Variants in TWIST2 observed in about 807,000 individuals in gnomAD.
The protein encoded by TWIST2 is twist family bHLH transcription factor 2, also known as twist-related protein 2.
TWIST2 carries 1 observed loss-of-function variant against 11.6 expected under a neutral mutation model. The ratio of observed to expected loss-of-function variants is 0.09; its 90% confidence interval spans 0.03 to 0.41. The LOEUF (loss-of-function observed/expected upper bound fraction) is 0.41, where lower values mean the gene tolerates loss of function less well. Ranked by LOEUF, TWIST2 falls within the 10% of genes least tolerant of loss-of-function variation. The probability of loss-of-function intolerance (pLI) is 0.98; values close to 1 mark genes in which losing one functional copy is unlikely to be tolerated. For synonymous variants in TWIST2, 87 were observed against 96.6 expected (o/e 0.90, Z 0.58); for missense variants, 168 against 226.4 (o/e 0.74, Z 1.66).
chr2:238,894,965 A>T (rs1361898942), intron 1 of TWIST2, among the ~76,000 whole-genome samples: 2 of 152,196 alleles, frequency 1.3e-5, no homozygotes, highest in African/African-American at 4.8e-5. Flanking sequence ...TTTTATTATT[A>T]CATTTTTGTG....
chr2:238,902,127 T>C (rs1693274635), intron 1 of TWIST2, among the ~76,000 whole-genome samples: 2 of 152,140 alleles, frequency 1.3e-5, no homozygotes, highest in African/African-American at 4.8e-5. Context: ...ATCCTCACTT[T>C]TACCCCTCCA....
rs1045802611 is a variant in TWIST2 at position 238,901,653 on chromosome 2, G to T, written c.*36-8189G>T. ...GTTCCATACCTCTGGTTGACTCGGGGTGGCTGAGGTGGGTGTCTGAGGGGT... is the reference window on the plus strand; with the variant it reads ...GTTCCATACCTCTGGTTGACTCGGGTTGGCTGAGGTGGGTGTCTGAGGGGT... On this transcript the variant is annotated intron_variant, in intron 1 of 1. Coordinates refer to ENST00000612363, the MANE Select transcript of TWIST2 (RefSeq NM_001271893.4). Among the ~76,000 whole-genome samples, 157 of 152,310 alleles carry T rather than the reference G, an allele frequency of 1.0e-3. 1 individual carries two copies. The highest frequency in any genetic ancestry group is 3.5e-3 in the African/African-American group (144 of 41,574).
chr2:238,870,891 ACAC>A (rs1418482937), intron 1 of TWIST2, among the ~76,000 whole-genome samples: 1 of 44,506 alleles, frequency 2.2e-5, no homozygotes, highest in East Asian at 5.2e-4. Flanking sequence ...CACCACATAC[ACAC>A]CACATCCCTC....
intron 1 of TWIST2, among the ~76,000 whole-genome samples, chr2:238,865,376 C>T (rs897351734): frequency 2.6e-5 from 4 of 152,200 alleles, no homozygotes; most frequent in Admixed American, 6.5e-5. Context: ...GCAGGGAGTA[C>T]CCCGGAGAGT....
chr2:238,905,862 T>TGTGC (rs1693334775), intron 1 of TWIST2, among the ~76,000 whole-genome samples: 1 of 60,060 alleles, frequency 1.7e-5, no homozygotes, highest in Non-Finnish European at 3.8e-5. Context: ...TGTGCGTGTG[T>TGTGC]GTGCGTGCGT....
At chr2:238,852,924 A>C (rs970067378) in intron 1 of TWIST2, among the ~76,000 whole-genome samples, 1 of 152,228 alleles carries the variant, frequency 6.6e-6, no homozygotes, top group Non-Finnish European at 1.5e-5. Flanking sequence ...TAGATAAGCA[A>C]ATTATCTAAG....
chr2:238,879,820 G>C (rs1692874424), intron 1 of TWIST2, among the ~76,000 whole-genome samples: 1 of 152,218 alleles, frequency 6.6e-6, no homozygotes, highest in Non-Finnish European at 1.5e-5. Flanking sequence ...TGGTCAGGGA[G>C]GGCTTCCTAG....
chr2:238,848,252 G>T lies in TWIST2; in HGVS notation c.37G>T (p.Asp13Tyr). 1 of 1,514,804 alleles carries T rather than the reference G, an allele frequency of 6.6e-7. No homozygotes were observed. The highest frequency in any genetic ancestry group is 2.5e-5 in the East Asian group (1 of 40,056). The allele number at this position is 1,514,804 out of a possible 1,614,324, so 93.8% of individuals were successfully genotyped here. A position where few individuals can be genotyped will look rare whatever the true frequency, so the allele number is the denominator to read the frequency against. Residue 13 changes from aspartate (D) to tyrosine (Y), a missense_variant, in exon 1 of 2, where the codon GAC becomes TAC. Asp to Tyr is a radical substitution (Grantham distance 160, BLOSUM62 -3). This residue lies in a region of TWIST2 where 83 missense variants were observed against 92.7 expected (regional missense o/e 0.90). Transcript: ENST00000612363. ...CTCCAGCTCGCCCGTGTCCCCCGTG[G>T]ACAGCCTGGGCACCAGCGAGGAGGA... ...EGSSSPVSPV[D>Y]SLGTSEEELE...
intron 1 of TWIST2, among the ~76,000 whole-genome samples, chr2:238,861,578 C>T (rs1278469713): frequency 1.3e-5 from 2 of 152,136 alleles, no homozygotes; most frequent in African/African-American, 4.8e-5. Context: ...ACTCCTCCTC[C>T]CTATCTCTAT....
chr2:238,905,918 CAGGTGT>C (rs1693340833), intron 1 of TWIST2, among the ~76,000 whole-genome samples: 3 of 112,840 alleles, frequency 2.7e-5, no homozygotes, highest in Non-Finnish European at 3.8e-5. Flanking sequence ...TGTGTGCGTG[CAGGTGT>C]GCGTGTGCGC....
Position 238,866,925 on chromosome 2 carries a change from A to G in TWIST2, c.*35+18192A>G, listed in dbSNP as rs1161574351. On this transcript the variant is annotated intron_variant, in intron 1 of 1. Coordinates refer to ENST00000612363, the MANE Select transcript of TWIST2 (RefSeq NM_001271893.4). This position sits in a 1 kb window ranked among gnomAD's most constrained non-coding sequence, Gnocchi z 4.9. ...TGTATCCGGATGCCCGGCTCAGCCC[A>G]TGCCCTGCACAAGTGGGGGTCATGG... Among the ~76,000 whole-genome samples, 1 of 152,094 alleles carries G rather than the reference A, an allele frequency of 6.6e-6. No homozygotes were observed. The highest frequency in any genetic ancestry group is 1.5e-5 in the Non-Finnish European group (1 of 67,998).
In TWIST2 at chr2:238,910,410, T is replaced by A. The variant is rs1010249823; in HGVS notation, c.*604T>A. On this transcript the variant is annotated 3_prime_UTR_variant, in exon 2 of 2. Transcript: ENST00000612363. ...GCTTGGCTAGCCATTTAAAAAAAAA[T>A]ATTCTCTGTTCAGTGTATATGTTGC... 1.3e-5 allele frequency: 2 copies of A among 152,152 alleles called. No homozygotes were observed. The highest frequency in any genetic ancestry group is 2.4e-5 in the African/African-American group (1 of 41,436). 9.4% of individuals were successfully genotyped at this position (152,152 alleles called of 1,614,324 possible).
chr2:238,876,727 G>A (rs750078889), intron 1 of TWIST2, among the ~76,000 whole-genome samples: 4 of 152,186 alleles, frequency 2.6e-5, no homozygotes, highest in African/African-American at 4.8e-5. Flanking sequence ...GCATTCAGAT[G>A]CCTTTGCCAG....
At chr2:238,879,431 T>A (rs921589283) in intron 1 of TWIST2, among the ~76,000 whole-genome samples, 1 of 152,178 alleles carries the variant, frequency 6.6e-6, no homozygotes, top group African/African-American at 2.4e-5. Flanking sequence ...TGTTGGGTCA[T>A]GTGGTCATCC....
chr2:238,877,519 TAC>T (rs991925053), intron 1 of TWIST2, among the ~76,000 whole-genome samples: 1 of 152,182 alleles, frequency 6.6e-6, no homozygotes, highest in African/African-American at 2.4e-5. Flanking sequence ...CAAGCATTCT[TAC>T]ACACACCAGC....
intron 1 of TWIST2, among the ~76,000 whole-genome samples, chr2:238,905,899 G>T (rs1693338620): frequency 8.4e-6 from 1 of 118,790 alleles, no homozygotes; most frequent in Non-Finnish European, 1.8e-5. Context: ...GCATGCGCGT[G>T]TGTGCGTGTG....
chr2:238,903,445 G>GTT, intron 1 of TWIST2, among the ~76,000 whole-genome samples: 1 of 143,274 alleles, frequency 7.0e-6, no homozygotes, highest in East Asian at 2.2e-4. Flanking sequence ...GATGTGGGGT[G>GTT]TGGGTCTAAT....
chr2:238,894,995 C>T (rs1197382945), intron 1 of TWIST2, among the ~76,000 whole-genome samples: 1 of 152,218 alleles, frequency 6.6e-6, no homozygotes, highest in African/African-American at 2.4e-5. Context: ...TGTTCTGCTG[C>T]TTGTCTCCCC....
intron 1 of TWIST2, among the ~76,000 whole-genome samples, chr2:238,903,024 GGTGTGTGTGATGTGTGA>G (rs1173151196): frequency 9.2e-6 from 1 of 108,912 alleles, no homozygotes; most frequent in Non-Finnish European, 1.9e-5. Flanking sequence ...GTGTGATGTG[GGTGTGTGTGATGTGTGA>G]GGTGTGTGTG....
Sources: gnomAD v4.1 joint callset for allele counts (sites outside exome capture counted in the v4.1 genomes callset) on GRCh38, gnomAD v4.1.1 for gene constraint, gnomAD v4.1.1 regional missense constraint, Gnocchi (gnomAD v3.1) non-coding constraint, MANE v1.5 for transcripts, NCBI Gene and HGNC (gene_info 2026-07-23, HGNC 2026-07-21) for gene names.